PACRGL: variants seen among roughly 807,000 people sequenced by gnomAD.
PACRGL encodes the protein parkin coregulated like.
Under a neutral mutation model 34.5 loss-of-function variants are expected in PACRGL, and 38 were observed. The ratio of observed to expected loss-of-function variants is 1.10; its 90% confidence interval spans 0.85 to 1.44. The LOEUF (loss-of-function observed/expected upper bound fraction) is 1.44. Among genes scored for constraint, PACRGL ranks in the 40% most tolerant of loss-of-function variants. PACRGL has a pLI of 0.00. For synonymous variants in PACRGL, 128 were observed against 100.1 expected (o/e 1.28, Z -1.66); for missense variants, 305 against 281.4 (o/e 1.08, Z -0.60).
chr4:20,721,263 G>GT (rs1743000997), intron 7 of PACRGL, among the ~76,000 whole-genome samples: 1 of 152,002 alleles, frequency 6.6e-6, no homozygotes. Flanking sequence ...CTTTGCAATG[G>GT]GTTCAAACTT....
At chr4:20,723,209 G>A (rs1006600630) in intron 7 of PACRGL, among the ~76,000 whole-genome samples, 2 of 152,146 alleles carry the variant, frequency 1.3e-5, no homozygotes, top group African/African-American at 4.8e-5. Context: ...GCAGATATTT[G>A]TAAGCTTCAT....
intron 7 of PACRGL, among the ~76,000 whole-genome samples, chr4:20,722,040 C>T (rs527896161): frequency 2.0e-5 from 3 of 152,354 alleles, no homozygotes; most frequent in Admixed American, 1.3e-4. Flanking sequence ...GCCCCTCTCC[C>T]AGCCTTGCTG....
At chr4:20,699,234 TAA>T (rs975834683), upstream of PACRGL, among the ~76,000 whole-genome samples, 1 of 146,676 alleles carries the variant, frequency 6.8e-6, no homozygotes, top group Non-Finnish European at 1.5e-5. Flanking sequence ...TTTTTTTTTT[TAA>T]AAATTTCTTT....
downstream of PACRGL, chr4:20,732,560 C>G (rs1748580758): frequency 4.3e-6 from 3 of 693,438 alleles, no homozygotes; most frequent in Admixed American, 5.0e-5. Flanking sequence ...ATGCTAAATA[C>G]TGTTTTGTTT....
intron 3 of PACRGL, among the ~76,000 whole-genome samples, chr4:20,705,935 CTG>C (rs927590979): frequency 1.6e-4 from 23 of 148,326 alleles, no homozygotes; most frequent in African/African-American, 5.8e-4. Context: ...TTTTTCAACT[CTG>C]TTGATAAACA....
intron 8 of PACRGL, among the ~76,000 whole-genome samples, chr4:20,748,730 C>T (rs1410397954): frequency 1.3e-5 from 2 of 149,826 alleles, no homozygotes; most frequent in African/African-American, 4.9e-5. Context: ...ATGAGGTATA[C>T]ATTTCTCACA....
intron 1 of PACRGL, chr4:20,701,439 TA>T (rs1267474265): frequency 6.3e-6 from 1 of 159,402 alleles, no homozygotes; most frequent in Non-Finnish European, 1.4e-5. Flanking sequence ...CTAATATCTA[TA>T]ATTAGAATGT....
chr4:20,734,935 T>C (rs1749225906), downstream of PACRGL, among the ~76,000 whole-genome samples: 1 of 152,128 alleles, frequency 6.6e-6, no homozygotes, highest in Non-Finnish European at 1.5e-5. Flanking sequence ...CATATTCTAA[T>C]TGGAAACTGA....
chr4:20,720,591 G>T (rs918456871), intron 7 of PACRGL, among the ~76,000 whole-genome samples: 3 of 152,158 alleles, frequency 2.0e-5, no homozygotes, highest in South Asian at 2.1e-4. Context: ...ATGAAGCTTA[G>T]TTTGGCTGGA....
At chr4:20,700,125 G>C (rs1313559097), upstream of PACRGL, among the ~76,000 whole-genome samples, 1 of 152,154 alleles carries the variant, frequency 6.6e-6, no homozygotes, top group Non-Finnish European at 1.5e-5. Context: ...GATAGCTGAG[G>C]AACAATGAGT....
rs1412378748 is a variant in PACRGL, at chr4:20,728,203, C to G, written c.*862C>G. 6.6e-6 allele frequency: 1 copy of G among 152,086 alleles called. No individual in the cohort carries two copies. Among genetic ancestry groups the G allele is most frequent in the African/African-American group, 2.4e-5 (1 of 41,408 alleles). 9.4% of individuals were successfully genotyped at this position (152,086 alleles called of 1,614,324 possible). On this transcript the variant is annotated 3_prime_UTR_variant, in exon 9 of 9. Coordinates refer to ENST00000503585, the MANE Select transcript of PACRGL (RefSeq NM_001258345.3). ...TTTTCTAATTCTGTAAATTCTATTA[C>G]AAGTATGTTGTTTATTACAACTCAT...
Position 20,700,530 on chromosome 4 carries a change from C to A in PACRGL, c.-274C>A, listed in dbSNP as rs980943577. On this transcript the variant is annotated 5_prime_UTR_variant, in exon 1 of 9. Coordinates refer to ENST00000503585, the MANE Select transcript of PACRGL (RefSeq NM_001258345.3). ...CGACCGAGTGCCGGTCATAAGCCCC[C>A]CCCGGTGGGGGGCAGCTGGTGTGCG... 2 of 152,294 alleles carry A rather than the reference C, an allele frequency of 1.3e-5. No individual in the cohort carries two copies. Among genetic ancestry groups the A allele is most frequent in the Non-Finnish European group, 2.9e-5 (2 of 68,042 alleles). The allele number at this position is 152,294 out of a possible 1,614,324, so 9.4% of individuals were successfully genotyped here.
chr4:20,761,708 T>C, the PACRGL span, among the ~76,000 whole-genome samples: 4 of 152,298 alleles, frequency 2.6e-5, no homozygotes, highest in East Asian at 3.9e-4. Flanking sequence ...TCTCTAGATA[T>C]ATTTGATAGA....
chr4:20,749,647 T>A, intron 8 of PACRGL: 1 of 1,559,074 alleles, frequency 6.4e-7, no homozygotes, highest in Non-Finnish European at 8.8e-7. Flanking sequence ...GATATGAAAA[T>A]AATCCAGAGC....
chr4:20,719,195 A>G (rs145965886), intron 7 of PACRGL, among the ~76,000 whole-genome samples: 209 of 152,056 alleles, frequency 1.4e-3, no homozygotes, highest in African/African-American at 4.6e-3. Flanking sequence ...ATCATTTTTT[A>G]TTGCGTCTAT....
At chr4:20,706,867 C>T (rs1734723870) in intron 3 of PACRGL, among the ~76,000 whole-genome samples, 1 of 152,108 alleles carries the variant, frequency 6.6e-6, no homozygotes. Context: ...AGCCACTGCG[C>T]CTGGCCAGAT....
chr4:20,752,421 A>C (rs1171340856), intron 8 of PACRGL: 1 of 152,164 alleles, frequency 6.6e-6, no homozygotes. Flanking sequence ...AAATAATCCT[A>C]TATACTTATT....
At chr4:20,708,089 A>G (rs1735383941) in intron 4 of PACRGL, among the ~76,000 whole-genome samples, 1 of 152,222 alleles carries the variant, frequency 6.6e-6, no homozygotes, top group African/African-American at 2.4e-5. Context: ...CTATGGATAA[A>G]CCATCAGTTT....
the PACRGL span, among the ~76,000 whole-genome samples, chr4:20,762,939 T>G: frequency 9.5e-6 from 1 of 104,724 alleles, no homozygotes; most frequent in Non-Finnish European, 1.8e-5. Context: ...GGAAGGCACC[T>G]TCTTCACAAG....
Sources: allele counts gnomAD v4.1 joint callset (sites outside exome capture counted in the v4.1 genomes callset), GRCh38; gene constraint gnomAD v4.1.1; transcripts MANE v1.5; gene names NCBI Gene and HGNC (gene_info 2026-07-23, HGNC 2026-07-21).